Variants in TMBIM4 observed in about 807,000 individuals in gnomAD.
TMBIM4 encodes transmembrane BAX inhibitor motif containing 4.
A neutral mutation model predicts 27.7 loss-of-function variants in TMBIM4; 28 were observed. The observed-to-expected ratio is 1.01, with a 90% CI of 0.75 to 1.38. TMBIM4 has a LOEUF of 1.38. TMBIM4 is among the 40% of genes most tolerant of loss of function. The pLI, the probability that TMBIM4 is intolerant of heterozygous loss-of-function variation, is 0.00. For synonymous variants in TMBIM4, 115 were observed against 113.1 expected (o/e 1.02, Z -0.11); for missense variants, 265 against 277.5 (o/e 0.95, Z 0.32).
Position 66,137,920 on chromosome 12 carries a change from T to A in TMBIM4, c.*40A>T. The A allele has an allele frequency of 6.5e-7, 1 of 1,532,916 alleles. No individual in the cohort carries two copies. The highest frequency in any genetic ancestry group is 9.0e-7 in the Non-Finnish European group (1 of 1,114,990). 95.0% of individuals were successfully genotyped at this position (1,532,916 alleles called of 1,614,324 possible). On this transcript the variant is annotated 3_prime_UTR_variant, in exon 7 of 7. Coordinates refer to ENST00000358230, the MANE Select transcript of TMBIM4 (RefSeq NM_016056.4). ...ACTTTAATCCTTTTTTCTCATTAAA[T>A]TTTTTTTGTTGTTCTTCAGTTGAGC...
At chr12:66,150,689 A>C (rs2051831188) in intron 3 of TMBIM4, among the ~76,000 whole-genome samples, 1 of 152,190 alleles carries the variant, frequency 6.6e-6, no homozygotes, top group East Asian at 1.9e-4. Flanking sequence ...CGGGGATCAC[A>C]CAGGCGTGAG....
At chr12:66,151,740 T>TAA (rs1292432846) in intron 3 of TMBIM4, among the ~76,000 whole-genome samples, 1 of 152,210 alleles carries the variant, frequency 6.6e-6, no homozygotes, top group African/African-American at 2.4e-5. Context: ...ATACATGACT[T>TAA]AAAGTTGGGT....
chr12:66,164,155 G>C, intron 1 of TMBIM4, among the ~76,000 whole-genome samples: 1 of 152,148 alleles, frequency 6.6e-6, no homozygotes, highest in East Asian at 1.9e-4. Context: ...CAATAAAGTA[G>C]GAATTGAAAG....
At chr12:66,169,779 G>C in intron 1 of TMBIM4, 76 bp downstream of exon 1, 2 of 1,195,518 alleles carry the variant, frequency 1.7e-6, no homozygotes, top group Non-Finnish European at 2.3e-6. Context: ...CTCTCCCTCG[G>C]AAGCCGGAAG....
intron 1 of TMBIM4, among the ~76,000 whole-genome samples, chr12:66,163,204 AT>A (rs1438553230): frequency 2.0e-5 from 3 of 152,118 alleles, no homozygotes; most frequent in Non-Finnish European, 4.4e-5. Context: ...TGTCTTCCTT[AT>A]TCCTGGGACT....
At chr12:66,164,253 G>A (rs2052089813) in intron 1 of TMBIM4, among the ~76,000 whole-genome samples, 1 of 152,138 alleles carries the variant, frequency 6.6e-6, no homozygotes, top group Admixed American at 6.5e-5. Context: ...CTGAGAGGCT[G>A]GCAAATCCAT....
At chr12:66,162,935 A>T (rs1018288850) in intron 1 of TMBIM4, among the ~76,000 whole-genome samples, 1 of 152,230 alleles carries the variant, frequency 6.6e-6, no homozygotes, top group African/African-American at 2.4e-5. Flanking sequence ...ATGCCTTAAG[A>T]ACAGTGACTG....
intron 1 of TMBIM4, chr12:66,169,307 T>A: frequency 1.4e-6 from 1 of 695,326 alleles, no homozygotes; most frequent in Non-Finnish European, 2.6e-6. Context: ...GCTTCTGTGT[T>A]GAGCAACTTC....
intron 3 of TMBIM4, among the ~76,000 whole-genome samples, chr12:66,149,887 T>TAC (rs10587672): frequency 0.012 from 1,835 of 151,098 alleles, 18 homozygotes; most frequent in Non-Finnish European, 0.017. Flanking sequence ...TGTGCATGCA[T>TAC]ACACACACAC....
rs1251398949 is a variant in TMBIM4 at position 66,152,285 on chromosome 12, G to A, written c.298C>T (p.Leu100=). 6.3e-7 allele frequency: 1 copy of A among 1,586,474 alleles called. No individual in the cohort carries two copies. The highest frequency in any genetic ancestry group is 1.7e-5 in the Admixed American group (1 of 58,124). Residue 100 remains leucine, a synonymous_variant, in exon 3 of 7, where the codon CTA becomes TTA. Transcript: ENST00000358230. ...AGAGTACTCACAAATCCAAAAAGTA[G>A]GTACAGGTTAAGGGGATACTTATGT... ...NRHKYPLNLY[L]LFGFTLLEAL...
At chr12:66,149,763 T>C (rs948250918) in intron 3 of TMBIM4, among the ~76,000 whole-genome samples, 2 of 152,178 alleles carry the variant, frequency 1.3e-5, no homozygotes, top group Non-Finnish European at 2.9e-5. Context: ...TCACCAATGC[T>C]TAAAGTCTGA....
chr12:66,169,673 C>T (rs2052201205), intron 1 of TMBIM4, among the ~76,000 whole-genome samples, 182 bp downstream of exon 1: 2 of 152,306 alleles, frequency 1.3e-5, no homozygotes, highest in South Asian at 4.1e-4. Flanking sequence ...GGAAGCGCCT[C>T]CCCGACTCCC....
At chr12:66,163,769 A>G (rs1252922900) in intron 1 of TMBIM4, among the ~76,000 whole-genome samples, 2 of 152,206 alleles carry the variant, frequency 1.3e-5, no homozygotes, top group Admixed American at 1.3e-4. Context: ...TAGAAAGCTG[A>G]GCTTCAACAC....
rs910253474 is a variant in TMBIM4 at position 66,169,103 on chromosome 12, C to T, written c.97+752G>A. On this transcript the variant is annotated intron_variant, in intron 1 of 6. Coordinates refer to ENST00000358230, the MANE Select transcript of TMBIM4 (RefSeq NM_016056.4). ...ATTCTTAGCACATCAGAACTATCTT[C>T]ATCTTTCCTTTTCCAGAACAAGTTC... 5 of 567,682 alleles carry T rather than the reference C, an allele frequency of 8.8e-6. No individual in the cohort carries two copies. In the African/African-American group the frequency reaches 9.6e-5, roughly 11 times the overall value. 35.2% of individuals were successfully genotyped at this position (567,682 alleles called of 1,614,324 possible). A position where few individuals can be genotyped will look rare whatever the true frequency, so the allele number is the denominator to read the frequency against.
chr12:66,165,567 A>C (rs1592557664), intron 1 of TMBIM4, among the ~76,000 whole-genome samples: 1 of 152,122 alleles, frequency 6.6e-6, no homozygotes, highest in East Asian at 1.9e-4. Flanking sequence ...ACAGGCGTGA[A>C]CCACTGCACC....
intron 5 of TMBIM4, among the ~76,000 whole-genome samples, chr12:66,142,920 CA>C (rs915005050): frequency 2.0e-5 from 3 of 152,172 alleles, no homozygotes; most frequent in African/African-American, 7.2e-5. Flanking sequence ...ATTGACAATA[CA>C]TATTAAAACA....
intron 4 of TMBIM4, among the ~76,000 whole-genome samples, chr12:66,147,362 T>G (rs759556837): frequency 1.3e-5 from 2 of 152,172 alleles, no homozygotes; most frequent in Non-Finnish European, 2.9e-5. Context: ...CTTAATTTAC[T>G]GAAATTTTTT....
Position 66,136,492 on chromosome 12 carries a change from A to G in TMBIM4, c.*1468T>C, listed in dbSNP as rs932339431. On this transcript the variant is annotated 3_prime_UTR_variant, in exon 7 of 7. Transcript: ENST00000358230. ...TATGGGCTGAGTTGTAGTCCCCCCA[A>G]AATTCACATGAAGAAATCCTAATCC... 1 of 154,314 alleles carries G rather than the reference A, an allele frequency of 6.5e-6. No individual in the cohort carries two copies. The highest frequency in any genetic ancestry group is 2.4e-5 in the African/African-American group (1 of 41,532). 9.6% of individuals were successfully genotyped at this position (154,314 alleles called of 1,614,324 possible). A position where few individuals can be genotyped will look rare whatever the true frequency, so the allele number is the denominator to read the frequency against.
chr12:66,160,391 G>GA (rs879513259), intron 1 of TMBIM4: 1 of 571,940 alleles, frequency 1.7e-6, no homozygotes, highest in Admixed American at 3.1e-5. Flanking sequence ...AGTCATAATG[G>GA]AGAAATTTAC....
Sources: gnomAD v4.1 joint callset for allele counts (sites outside exome capture counted in the v4.1 genomes callset) on GRCh38, gnomAD v4.1.1 for gene constraint, MANE v1.5 for transcripts, NCBI Gene and HGNC (gene_info 2026-07-23, HGNC 2026-07-21) for gene names.